The following STXBP6 variants were observed in gnomAD, a reference collection of about 807,000 sequenced individuals.
STXBP6 encodes syntaxin binding protein 6.
A neutral mutation model predicts 26.9 loss-of-function variants in STXBP6; 21 were observed. That is an observed-to-expected ratio of 0.78 (90% CI 0.55 to 1.12). The LOEUF (loss-of-function observed/expected upper bound fraction) is 1.12, where lower values mean the gene tolerates loss of function less well. Ranked by LOEUF, STXBP6 falls within the 50% of genes most tolerant of loss-of-function variation. The pLI is 0.00. For synonymous variants in STXBP6, 97 were observed against 92.6 expected (o/e 1.05, Z -0.27); for missense variants, 232 against 257.9 (o/e 0.90, Z 0.69).
At chr14:24,856,425 G>A (rs778310128) in intron 3 of STXBP6, among the ~76,000 whole-genome samples, 2 of 152,042 alleles carry the variant, frequency 1.3e-5, no homozygotes, top group East Asian at 3.9e-4. Context: ...TCTCAGCAAC[G>A]ACCTATATTA....
chr14:24,905,869 A>C (rs1382362606), intron 2 of STXBP6, among the ~76,000 whole-genome samples: 1 of 152,222 alleles, frequency 6.6e-6, no homozygotes, highest in East Asian at 1.9e-4. Flanking sequence ...CTGCATGCAC[A>C]TCTTTTACAG....
chr14:25,006,382 T>C (rs1478910655), intron 1 of STXBP6, among the ~76,000 whole-genome samples: 2 of 152,244 alleles, frequency 1.3e-5, no homozygotes, highest in Admixed American at 6.5e-5. Context: ...AAGCTTTCTC[T>C]TGCTCTGTTT....
intron 1 of STXBP6, among the ~76,000 whole-genome samples, chr14:25,007,598 C>T (rs1252748579): frequency 3.3e-5 from 5 of 152,312 alleles, no homozygotes; most frequent in East Asian, 3.9e-4. Flanking sequence ...GTCTCCCCCA[C>T]CGGAAGCTCT....
intron 4 of STXBP6, among the ~76,000 whole-genome samples, chr14:24,844,446 G>GGCATCTGAAGTGGGGAT (rs2068882183): frequency 6.6e-6 from 1 of 152,180 alleles, no homozygotes; most frequent in South Asian, 2.1e-4. Flanking sequence ...ACTTGTGACT[G>GGCATCTGAAGTGGGGAT]GCATCTGAAG....
intron 2 of STXBP6, among the ~76,000 whole-genome samples, chr14:24,936,604 C>T (rs1218450593): frequency 2.0e-5 from 3 of 152,168 alleles, no homozygotes; most frequent in Non-Finnish European, 4.4e-5. Context: ...ATTTGTGTAA[C>T]AGTAAATAAG....
At chr14:24,950,232 G>T (rs1426103044) in intron 2 of STXBP6, among the ~76,000 whole-genome samples, 1 of 134,668 alleles carries the variant, frequency 7.4e-6, no homozygotes, top group Non-Finnish European at 1.6e-5. Context: ...TACACTGCTG[G>T]TGAGAGTGTA....
chr14:24,928,779 A>G (rs1432587457), intron 2 of STXBP6, among the ~76,000 whole-genome samples: 1 of 152,162 alleles, frequency 6.6e-6, no homozygotes, highest in Non-Finnish European at 1.5e-5. Flanking sequence ...GGTACTTGAG[A>G]CCATGCACCC....
intron 2 of STXBP6, among the ~76,000 whole-genome samples, chr14:24,924,861 T>G (rs921965474): frequency 5.9e-5 from 9 of 152,190 alleles, no homozygotes; most frequent in South Asian, 4.1e-4. Flanking sequence ...TCTGCAAAGA[T>G]AAGTTCAGGA....
At chr14:25,002,752 G>A (rs188604136) in intron 1 of STXBP6, among the ~76,000 whole-genome samples, 3,517 of 150,898 alleles carry the variant, frequency 0.023, 58 homozygotes, top group Middle Eastern at 0.038. Flanking sequence ...GCACTGAAAT[G>A]TTTTTAAATG....
chr14:25,032,979 C>T (rs1190858715), intron 1 of STXBP6, among the ~76,000 whole-genome samples: 1 of 152,196 alleles, frequency 6.6e-6, no homozygotes, highest in Non-Finnish European at 1.5e-5. Context: ...CTCATTGGTA[C>T]ACTAACTGCT....
At chr14:24,891,091 T>C (rs971256025) in intron 2 of STXBP6, among the ~76,000 whole-genome samples, 1 of 152,168 alleles carries the variant, frequency 6.6e-6, no homozygotes, top group African/African-American at 2.4e-5. Context: ...TATGTCCTTG[T>C]TCTCCAGGAG....
intron 2 of STXBP6, among the ~76,000 whole-genome samples, chr14:24,899,803 A>AAAAAAAAAAAAAAAAAAAGC (rs2071144681): frequency 5.0e-5 from 4 of 80,114 alleles, no homozygotes; most frequent in Non-Finnish European, 6.6e-5. Context: ...AAAAAAAGCA[A>AAAAAAAAAAAAAAAAAAAGC]AAAAAAAAAA....
intron 2 of STXBP6, among the ~76,000 whole-genome samples, chr14:24,968,956 C>A (rs1595214860): frequency 2.0e-5 from 3 of 152,084 alleles, no homozygotes; most frequent in Admixed American, 1.3e-4. Flanking sequence ...CCCCACCAGC[C>A]CCCCGTGCTG....
At chr14:24,929,632 G>A (rs187912263) in intron 2 of STXBP6, among the ~76,000 whole-genome samples, 3 of 152,290 alleles carry the variant, frequency 2.0e-5, no homozygotes, top group South Asian at 2.1e-4. Flanking sequence ...CGAATACATA[G>A]CACAAGTGGA....
intron 2 of STXBP6, among the ~76,000 whole-genome samples, chr14:24,918,792 C>T (rs968976851): frequency 6.6e-6 from 1 of 151,960 alleles, no homozygotes; most frequent in Non-Finnish European, 1.5e-5. Context: ...ATTACAGCAT[C>T]TTATGTTTGA....
intron 1 of STXBP6, among the ~76,000 whole-genome samples, chr14:25,002,112 T>C (rs1320959898): frequency 6.6e-6 from 1 of 152,182 alleles, no homozygotes; most frequent in Non-Finnish European, 1.5e-5. Flanking sequence ...TAGGTGCTTT[T>C]CTTGTAACCC....
chr14:24,903,980 AAG>A (rs2071300096), intron 2 of STXBP6, among the ~76,000 whole-genome samples: 1 of 152,150 alleles, frequency 6.6e-6, no homozygotes, highest in African/African-American at 2.4e-5. Context: ...GCTACATTTT[AAG>A]AGTTTGGCTG....
At chr14:25,032,108 T>C (rs2075468021) in intron 1 of STXBP6, among the ~76,000 whole-genome samples, 1 of 152,088 alleles carries the variant, frequency 6.6e-6, no homozygotes, top group Non-Finnish European at 1.5e-5. Context: ...AAAACCTTAA[T>C]AAAGACAACA....
intron 5 of STXBP6, chr14:24,817,392 T>A (rs2068008320): frequency 6.6e-6 from 1 of 152,264 alleles, no homozygotes; most frequent in Non-Finnish European, 1.5e-5. Context: ...GGTTTAATCA[T>A]TAACCTAAAC....
Sources: allele counts gnomAD v4.1 joint callset (sites outside exome capture counted in the v4.1 genomes callset), GRCh38; gene constraint gnomAD v4.1.1; transcripts MANE v1.5; gene names NCBI Gene and HGNC (gene_info 2026-07-23, HGNC 2026-07-21).